The following SPI1 variants were observed in gnomAD, a reference collection of about 807,000 sequenced individuals.
SPI1 encodes the protein transcription factor PU.1.
Under a neutral mutation model 30.7 loss-of-function variants are expected in SPI1, and 3 were observed. The observed-to-expected ratio is 0.10, with a 90% CI of 0.04 to 0.25. The LOEUF is 0.25. Among genes scored for constraint, SPI1 ranks in the 10% least tolerant of loss-of-function variants. The pLI is 1.00. For missense variants in SPI1, 261 were observed against 371.5 expected, an observed-to-expected ratio of 0.70 and a Z score of 2.45; for synonymous variants, 169 against 157.1, an observed-to-expected ratio of 1.08 and a Z score of -0.56.
At chr11:47,360,286 A>C (rs2142884925) in intron 2 of SPI1, among the ~76,000 whole-genome samples, 1 of 152,248 alleles carries the variant, frequency 6.6e-6, no homozygotes, top group Admixed American at 6.5e-5. Context: ...GCTGAAGCAA[A>C]GCTCGTGTTC....
At chr11:47,376,202 C>A in intron 1 of SPI1, among the ~76,000 whole-genome samples, 1 of 152,006 alleles carries the variant, frequency 6.6e-6, no homozygotes, top group East Asian at 1.9e-4. Context: ...ACTCAGAGGT[C>A]ACCCACCTCA....
intron 4 of SPI1, chr11:47,358,627 G>A (rs1386141255): frequency 1.4e-6 from 1 of 706,300 alleles, no homozygotes; most frequent in Non-Finnish European, 2.6e-6. Flanking sequence ...CACACACCTG[G>A]CACACTTCAT....
At chr11:47,369,335 C>T (rs1208861084) in intron 2 of SPI1, among the ~76,000 whole-genome samples, 1 of 152,080 alleles carries the variant, frequency 6.6e-6, no homozygotes, top group Non-Finnish European at 1.5e-5. Context: ...TCTGTCCCCC[C>T]CTTTCTGTCT....
chr11:47,374,489 C>T lies in SPI1; in HGVS notation c.142+1144G>A, dbSNP rs903721471. Among the ~76,000 whole-genome samples, 1 of 152,152 alleles carries T rather than the reference C, an allele frequency of 6.6e-6. No homozygotes were observed. The highest frequency in any genetic ancestry group is 1.5e-5 in the Non-Finnish European group (1 of 68,024). ...CATGTGGATCCCTAGCTGGGCCCAT[C>T]AGGTTTAGACCGCCACAGGTGCATC... On this transcript the variant is annotated intron_variant, in intron 2 of 4. Coordinates refer to ENST00000378538, the MANE Select transcript of SPI1 (RefSeq NM_003120.3). The surrounding 1 kb of genome is among the most constrained non-coding windows in gnomAD (Gnocchi z 4.5).
chr11:47,372,572 C>T (rs937202223), intron 2 of SPI1, among the ~76,000 whole-genome samples: 4 of 151,894 alleles, frequency 2.6e-5, no homozygotes, highest in South Asian at 4.1e-4. Context: ...GCAGGATGGA[C>T]GAGTAGGTGG....
At chr11:47,356,469 A>C (rs928667560) in intron 4 of SPI1, among the ~76,000 whole-genome samples, 1 of 150,972 alleles carries the variant, frequency 6.6e-6, no homozygotes, top group Non-Finnish European at 1.5e-5. Flanking sequence ...TACTGCCCCC[A>C]CACACGGTCA....
intron 1 of SPI1, among the ~76,000 whole-genome samples, chr11:47,376,049 C>T (rs2095941909): frequency 6.6e-6 from 1 of 152,010 alleles, no homozygotes; most frequent in African/African-American, 2.4e-5. Context: ...CACACCTCTC[C>T]TGGTCACACT....
chr11:47,355,859 C>T (rs529404383), intron 4 of SPI1, among the ~76,000 whole-genome samples: 33 of 77,558 alleles, frequency 4.3e-4, no homozygotes, highest in African/African-American at 1.8e-3. Flanking sequence ...CCCACACCTC[C>T]TTACACATGC....
intron 4 of SPI1, chr11:47,358,638 G>T (rs568044444): frequency 1.4e-6 from 1 of 708,632 alleles, no homozygotes; most frequent in Non-Finnish European, 2.6e-6. Context: ...CACACTTCAT[G>T]GAGATGCCCG....
chr11:47,359,069 G>A lies in SPI1; in HGVS notation c.331-63C>T. On this transcript the variant is annotated intron_variant, in intron 3 of 4. Transcript: ENST00000378538. This position sits in a 1 kb window ranked among gnomAD's most constrained non-coding sequence, Gnocchi z 5.1. ...CCAGCTTACAGCTCAGGGGGGCTGG[G>A]AGGGAGGTCAGCTGGGGAGAGAAGG... The A allele has an allele frequency of 6.9e-7, 1 of 1,452,992 alleles. No individual in the cohort carries two copies. The highest frequency in any genetic ancestry group is 9.2e-7 in the Non-Finnish European group (1 of 1,086,986). The allele number at this position is 1,452,992 out of a possible 1,614,324, so 90.0% of individuals were successfully genotyped here.
intron 4 of SPI1, 155 bp downstream of exon 4, chr11:47,358,679 GAGACAGCCAC>G: frequency 1.3e-6 from 1 of 754,356 alleles, no homozygotes; most frequent in Non-Finnish European, 2.3e-6. Context: ...CACACACACA[GAGACAGCCAC>G]AGACAGCCCC....
rs532983221 is a variant in SPI1, at chr11:47,356,868, C to A, written c.494-1322G>T. Among the ~76,000 whole-genome samples the A allele has an allele frequency of 2.0e-5, 3 of 147,044 alleles. No homozygotes were observed. The East Asian group carries it at 6.1e-4, about 30-fold the overall frequency. On this transcript the variant is annotated intron_variant, in intron 4 of 4. Transcript: ENST00000378538. Reference sequence around the variant, plus strand: ...CACGCACACACCTGCTCACACACATCTCACATTACTCAGCTACACACACAC... The same window carrying A: ...CACGCACACACCTGCTCACACACATATCACATTACTCAGCTACACACACAC...
intron 4 of SPI1, among the ~76,000 whole-genome samples, chr11:47,356,586 C>G (rs1025944057): frequency 1.3e-5 from 2 of 151,592 alleles, no homozygotes; most frequent in African/African-American, 4.9e-5. Flanking sequence ...ACACCTCACA[C>G]CAGGTCTCAT....
Position 47,354,989 on chromosome 11 carries a change from G to T in SPI1, c.*238C>A. 3.0e-6 allele frequency: 1 copy of T among 337,262 alleles called. No homozygotes were observed. The highest frequency in any genetic ancestry group is 4.7e-5 in the East Asian group (1 of 21,120). The allele number at this position is 337,262 out of a possible 1,614,324, so 20.9% of individuals were successfully genotyped here. On this transcript the variant is annotated 3_prime_UTR_variant, in exon 5 of 5. Coordinates refer to ENST00000378538, the MANE Select transcript of SPI1 (RefSeq NM_003120.3). ...ACCCCGGGTCGTCCTCTGCAAGGTT[G>T]CCCCGGTGGGGTCTGACGCCCAGCT...
At position 47,378,359 on chromosome 11, in the gene SPI1, C is replaced by T. The variant is rs370649954; in HGVS notation, c.-6G>A. The T allele has an allele frequency of 4.2e-5, 67 of 1,612,400 alleles. No individual in the cohort carries two copies. In the African/African-American group the frequency reaches 5.2e-4, roughly 13 times the overall value. On this transcript the variant is annotated 5_prime_UTR_variant, in exon 1 of 5. Coordinates refer to ENST00000378538, the MANE Select transcript of SPI1 (RefSeq NM_003120.3). ...ATTTTGCACGCCTGTAACATCCAGC[C>T]GGGCTCCGAGTCGGTCAGATCCCCT...
chr11:47,355,155 G>A lies in SPI1; in HGVS notation c.*72C>T. ...TGGGCCCCGGGAGCGTCCTCCCTGT[G>A]TCCGGGCCGGGCGAGGGCTTAATGC... On this transcript the variant is annotated 3_prime_UTR_variant, in exon 5 of 5. Coordinates refer to ENST00000378538, the MANE Select transcript of SPI1 (RefSeq NM_003120.3). 1 of 1,206,538 alleles carries A rather than the reference G, an allele frequency of 8.3e-7. No individual in the cohort carries two copies. The highest frequency in any genetic ancestry group is 1.0e-6 in the Non-Finnish European group (1 of 958,266). The allele number at this position is 1,206,538 out of a possible 1,614,324, so 74.7% of individuals were successfully genotyped here.
chr11:47,357,990 C>T (rs2095914313), intron 4 of SPI1, among the ~76,000 whole-genome samples: 1 of 152,064 alleles, frequency 6.6e-6, no homozygotes, highest in Non-Finnish European at 1.5e-5. Flanking sequence ...ACCCCCCACA[C>T]ACACCTGCTC....
At chr11:47,371,351 G>T in intron 2 of SPI1, among the ~76,000 whole-genome samples, 1 of 13,070 alleles carries the variant, frequency 7.7e-5, no homozygotes, top group Non-Finnish European at 2.1e-4. Flanking sequence ...CAGAGCGAGA[G>T]TCCATCTCAA....
At chr11:47,360,162 G>T in intron 2 of SPI1, 122 bp from the exon 3 acceptor site, 1 of 844,384 alleles carries the variant, frequency 1.2e-6, no homozygotes, top group Non-Finnish European at 1.8e-6. Flanking sequence ...TTTAACCCTC[G>T]CCACCTGCAT....
Sources: allele counts gnomAD v4.1 joint callset (sites outside exome capture counted in the v4.1 genomes callset), GRCh38; gene constraint gnomAD v4.1.1; non-coding constraint Gnocchi (gnomAD v3.1); transcripts MANE v1.5; gene names NCBI Gene and HGNC (gene_info 2026-07-23, HGNC 2026-07-21).